IQCJ: variants seen among roughly 807,000 people sequenced by gnomAD.
The protein encoded by IQCJ is IQ motif containing J.
IQCJ carries 9 observed loss-of-function variants against 11.0 expected under a neutral mutation model. The ratio of observed to expected loss-of-function variants is 0.82; its 90% CI spans 0.49 to 1.43. IQCJ has a LOEUF of 1.43. Among genes scored for constraint, IQCJ ranks in the 40% most tolerant of loss-of-function variants. IQCJ has a pLI of 0.00. For synonymous variants in IQCJ, 55 were observed against 51.3 expected, an observed-to-expected ratio of 1.07 and a Z score of -0.31; for missense variants, 146 against 133.2, an observed-to-expected ratio of 1.10 and a Z score of -0.47.
intron 2 of IQCJ, among the ~76,000 whole-genome samples, chr3:159,252,335 G>C (rs753987644): frequency 3.3e-5 from 5 of 152,242 alleles, no homozygotes; most frequent in African/African-American, 1.2e-4. Context: ...TCCAGTGGCA[G>C]TGGTACTACT....
At chr3:159,074,721 C>A (rs889870598) in intron 1 of IQCJ, among the ~76,000 whole-genome samples, 1 of 152,038 alleles carries the variant, frequency 6.6e-6, no homozygotes, top group African/African-American at 2.4e-5. Context: ...AATTTAGGTT[C>A]TTTTTTCTAA....
chr3:159,148,665 A>G (rs1721042472), intron 1 of IQCJ, among the ~76,000 whole-genome samples: 1 of 152,194 alleles, frequency 6.6e-6, no homozygotes, highest in South Asian at 2.1e-4. Context: ...TGGCAGTGAC[A>G]TTTTTCATCA....
At chr3:159,195,910 A>C (rs1723957301) in intron 1 of IQCJ, among the ~76,000 whole-genome samples, 2 of 152,228 alleles carry the variant, frequency 1.3e-5, no homozygotes, top group African/African-American at 4.8e-5. Flanking sequence ...AGTGTCTTGC[A>C]TAGGATAAAC....
chr3:159,116,651 T>C (rs1174586399), intron 1 of IQCJ, among the ~76,000 whole-genome samples: 2 of 37,354 alleles, frequency 5.4e-5, no homozygotes, highest in Non-Finnish European at 9.6e-5. Context: ...TATATATATA[T>C]ATATATATAT....
chr3:159,084,173 GA>G (rs779300177), intron 1 of IQCJ, among the ~76,000 whole-genome samples: 10 of 151,230 alleles, frequency 6.6e-5, no homozygotes, highest in African/African-American at 9.7e-5. Context: ...GGAAACTAGA[GA>G]AAGAGTATAC....
chr3:159,188,407 T>C (rs1723496318), intron 1 of IQCJ, among the ~76,000 whole-genome samples: 1 of 151,978 alleles, frequency 6.6e-6, no homozygotes, highest in Non-Finnish European at 1.5e-5. Context: ...TGAAACTCTA[T>C]CTCAAAACAA....
At chr3:159,208,370 C>T (rs575690156) in intron 1 of IQCJ, among the ~76,000 whole-genome samples, 1 of 152,160 alleles carries the variant, frequency 6.6e-6, no homozygotes, top group African/African-American at 2.4e-5. Flanking sequence ...AGCTGATGTG[C>T]CTGCAGAGTC....
At position 159,221,800 on chromosome 3, in the gene IQCJ, G is replaced by A. The variant is rs1359238393; in HGVS notation, c.10-24043G>A. On this transcript the variant is annotated intron_variant, in intron 1 of 3. Transcript: ENST00000397832. ...TAGAGTCAGCCTTTCTGCCAGGGAA[G>A]TGACAGAACCAAGAAAGAATAAAAA... 7.3e-5 allele frequency among the ~76,000 whole-genome samples: 11 copies of A among 150,646 alleles called. No homozygotes were observed. In the South Asian group the frequency reaches 1.5e-3, roughly 20 times the overall value.
At chr3:159,165,477 G>A (rs910145545) in intron 1 of IQCJ, among the ~76,000 whole-genome samples, 1 of 152,060 alleles carries the variant, frequency 6.6e-6, no homozygotes, top group African/African-American at 2.4e-5. Context: ...TATTACACAG[G>A]CAATTGTGTA....
intron 1 of IQCJ, among the ~76,000 whole-genome samples, chr3:159,191,995 A>G (rs1723718024): frequency 6.6e-6 from 1 of 152,216 alleles, no homozygotes; most frequent in Middle Eastern, 3.2e-3. Context: ...TTTTCATCAG[A>G]AAATGATTTC....
At chr3:159,222,593 T>A (rs1200742525) in intron 1 of IQCJ, among the ~76,000 whole-genome samples, 1 of 152,098 alleles carries the variant, frequency 6.6e-6, no homozygotes, top group Non-Finnish European at 1.5e-5. Context: ...TGCAGTTATG[T>A]AGGATAAATA....
intron 1 of IQCJ, among the ~76,000 whole-genome samples, chr3:159,233,901 T>C (rs751569786): frequency 9.2e-5 from 14 of 152,148 alleles, no homozygotes; most frequent in Non-Finnish European, 2.1e-4. Flanking sequence ...GAAACTGAGA[T>C]CTAAATGGAA....
At chr3:159,228,713 G>C (rs1049869294) in intron 1 of IQCJ, among the ~76,000 whole-genome samples, 1 of 151,816 alleles carries the variant, frequency 6.6e-6, no homozygotes, top group African/African-American at 2.4e-5. Flanking sequence ...GTGGCCAGGA[G>C]AGTGGCGTGA....
intron 1 of IQCJ, among the ~76,000 whole-genome samples, chr3:159,181,223 G>A (rs966001991): frequency 7.3e-5 from 11 of 151,414 alleles, no homozygotes; most frequent in African/African-American, 2.7e-4. Flanking sequence ...TGCCTTCTTG[G>A]CACCACTCTC....
chr3:159,213,603 C>T (rs1725066795), intron 1 of IQCJ, among the ~76,000 whole-genome samples: 1 of 151,982 alleles, frequency 6.6e-6, no homozygotes, highest in Admixed American at 6.6e-5. Context: ...TTTTTATTTT[C>T]ATGCCTTCTA....
chr3:159,180,284 TTCTC>T (rs143775271), intron 1 of IQCJ, among the ~76,000 whole-genome samples: 460 of 150,824 alleles, frequency 3.0e-3, no homozygotes, highest in South Asian at 0.012. Context: ...CTCAGGACAT[TTCTC>T]TCTCTCTCTC....
rs142664849 is a variant in IQCJ at position 159,227,976 on chromosome 3, G to A, written c.10-17867G>A. On this transcript the variant is annotated intron_variant, in intron 1 of 3. Coordinates refer to ENST00000397832, the MANE Select transcript of IQCJ (RefSeq NM_001042706.3). ...GAAGAGTAGTCATCAGGCTGGGGAT[G>A]AGAGCTTTAGTGAACTGTGCACTGC... Among the ~76,000 whole-genome samples the A allele has an allele frequency of 2.6e-5, 4 of 152,334 alleles. No individual in the cohort carries two copies. The East Asian group carries it at 7.7e-4, about 29-fold the overall frequency.
intron 2 of IQCJ, among the ~76,000 whole-genome samples, chr3:159,250,890 G>A (rs1577115264): frequency 6.6e-6 from 1 of 152,168 alleles, no homozygotes; most frequent in East Asian, 1.9e-4. Flanking sequence ...GCAAATACTT[G>A]TGTAATGTTC....
At chr3:159,076,554 G>A (rs1715931153) in intron 1 of IQCJ, among the ~76,000 whole-genome samples, 1 of 152,060 alleles carries the variant, frequency 6.6e-6, no homozygotes, top group Non-Finnish European at 1.5e-5. Context: ...AAGAAGCATG[G>A]TGTAGTGGAA....
Sources: gnomAD v4.1 joint callset for allele counts (sites outside exome capture counted in the v4.1 genomes callset) on GRCh38, gnomAD v4.1.1 for gene constraint, MANE v1.5 for transcripts, NCBI Gene and HGNC (gene_info 2026-07-23, HGNC 2026-07-21) for gene names.